SLC24A3: variants seen among roughly 807,000 people sequenced by gnomAD.
The protein encoded by SLC24A3 is solute carrier family 24 member 3.
Under a neutral mutation model 75.8 loss-of-function variants are expected in SLC24A3, and 28 were observed. The ratio of observed to expected loss-of-function variants is 0.37; its 90% confidence interval spans 0.27 to 0.51. The LOEUF is 0.51. Among genes scored for constraint, SLC24A3 ranks in the 20% least tolerant of loss-of-function variants. SLC24A3 has a pLI of 0.94. For missense variants in SLC24A3, 663 were observed against 847.8 expected (o/e 0.78, Z 2.71); for synonymous variants, 372 against 334.1 (o/e 1.11, Z -1.24).
At chr20:19,451,029 G>T in intron 2 of SLC24A3, among the ~76,000 whole-genome samples, 1 of 152,110 alleles carries the variant, frequency 6.6e-6, no homozygotes, top group East Asian at 1.9e-4. Context: ...ACATTTTTAA[G>T]ACTACTTCTG....
intron 1 of SLC24A3, among the ~76,000 whole-genome samples, chr20:19,280,105 G>A (rs1056577748): frequency 3.3e-5 from 5 of 152,060 alleles, no homozygotes; most frequent in South Asian, 2.1e-4. Flanking sequence ...CTCCCTTTCC[G>A]TGCTCTGTAG....
intron 2 of SLC24A3, among the ~76,000 whole-genome samples, chr20:19,430,747 T>C (rs1216638282): frequency 6.6e-6 from 1 of 151,950 alleles, no homozygotes; most frequent in Non-Finnish European, 1.5e-5. Flanking sequence ...CAAGCACAGC[T>C]AGGTAGACTC....
At chr20:19,262,924 T>C (rs569361673) in intron 1 of SLC24A3, among the ~76,000 whole-genome samples, 1 of 152,170 alleles carries the variant, frequency 6.6e-6, no homozygotes, top group South Asian at 2.1e-4. Flanking sequence ...CATTTGCCCT[T>C]TCACCACCCA....
intron 4 of SLC24A3, among the ~76,000 whole-genome samples, chr20:19,584,315 C>T (rs2031262904): frequency 6.6e-6 from 1 of 152,098 alleles, no homozygotes; most frequent in Non-Finnish European, 1.5e-5. Context: ...CCGGGGTTTC[C>T]AGAATGCCTC....
intron 6 of SLC24A3, among the ~76,000 whole-genome samples, chr20:19,614,234 A>C (rs2031706918): frequency 6.6e-6 from 1 of 152,252 alleles, no homozygotes; most frequent in Non-Finnish European, 1.5e-5. Flanking sequence ...TCTGTGCCTC[A>C]GTTTCCTCAA....
At chr20:19,554,534 A>G (rs1057505695) in intron 3 of SLC24A3, among the ~76,000 whole-genome samples, 2 of 152,224 alleles carry the variant, frequency 1.3e-5, no homozygotes, top group African/African-American at 2.4e-5. Context: ...ATAATTTCAG[A>G]AAACCTCAGT....
At chr20:19,257,278 G>A (rs543905479) in intron 1 of SLC24A3, among the ~76,000 whole-genome samples, 1 of 152,228 alleles carries the variant, frequency 6.6e-6, no homozygotes, top group South Asian at 2.1e-4. Flanking sequence ...TGTGGATGGG[G>A]CTGTTTCAAA....
At chr20:19,345,733 A>G (rs980291926) in intron 2 of SLC24A3, among the ~76,000 whole-genome samples, 1 of 152,266 alleles carries the variant, frequency 6.6e-6, no homozygotes, top group African/African-American at 2.4e-5. Flanking sequence ...CAAAACCACA[A>G]TGCAATACCA....
chr20:19,257,410 C>G (rs1218856431), intron 1 of SLC24A3, among the ~76,000 whole-genome samples: 1 of 152,224 alleles, frequency 6.6e-6, no homozygotes, highest in Non-Finnish European at 1.5e-5. Context: ...AAATTCCCAG[C>G]TGGCGTCAGC....
intron 2 of SLC24A3, among the ~76,000 whole-genome samples, chr20:19,299,293 T>C (rs145208394): frequency 6.6e-6 from 1 of 152,164 alleles, no homozygotes; most frequent in Non-Finnish European, 1.5e-5. Context: ...CATGTGTTTG[T>C]ACAAGTGCTG....
chr20:19,374,264 T>G (rs1193746312), intron 2 of SLC24A3, among the ~76,000 whole-genome samples: 3 of 152,154 alleles, frequency 2.0e-5, no homozygotes, highest in Non-Finnish European at 2.9e-5. Flanking sequence ...GGGTGGGCCG[T>G]CACTCCTCCA....
At chr20:19,339,827 C>T (rs1985226605) in intron 2 of SLC24A3, among the ~76,000 whole-genome samples, 2 of 152,206 alleles carry the variant, frequency 1.3e-5, no homozygotes, top group South Asian at 4.1e-4. Context: ...ACCAACAGCA[C>T]ATTGGGTAGA....
At chr20:19,497,096 T>TA (rs1478949238) in intron 2 of SLC24A3, among the ~76,000 whole-genome samples, 2 of 152,156 alleles carry the variant, frequency 1.3e-5, no homozygotes, top group African/African-American at 2.4e-5. Context: ...GTGCACATGA[T>TA]AAAAAAGGGC....
At chr20:19,639,820 G>A (rs891342294) in intron 6 of SLC24A3, among the ~76,000 whole-genome samples, 3 of 152,226 alleles carry the variant, frequency 2.0e-5, no homozygotes, top group African/African-American at 4.8e-5. Flanking sequence ...CAGCAGCGCC[G>A]GTGGGCTGGC....
chr20:19,442,819 A>C (rs1197600153), intron 2 of SLC24A3, among the ~76,000 whole-genome samples: 1 of 152,118 alleles, frequency 6.6e-6, no homozygotes, highest in Non-Finnish European at 1.5e-5. Context: ...GAGGTTTTAC[A>C]GTTTTGCATT....
intron 2 of SLC24A3, among the ~76,000 whole-genome samples, chr20:19,318,606 T>C (rs1238069086): frequency 6.6e-6 from 1 of 152,144 alleles, no homozygotes; most frequent in Non-Finnish European, 1.5e-5. Context: ...TGTACTCCTT[T>C]GCCACAAAGA....
At chr20:19,361,241 A>C (rs1341853736) in intron 2 of SLC24A3, among the ~76,000 whole-genome samples, 1 of 152,218 alleles carries the variant, frequency 6.6e-6, no homozygotes, top group African/African-American at 2.4e-5. Flanking sequence ...CACTACATTT[A>C]TATGGAAATG....
chr20:19,575,519 CT>C (rs1361061452), intron 3 of SLC24A3, among the ~76,000 whole-genome samples: 1 of 152,166 alleles, frequency 6.6e-6, no homozygotes, highest in Non-Finnish European at 1.5e-5. Flanking sequence ...TCAGAGGGTT[CT>C]AAAAAGTTCC....
intron 2 of SLC24A3, among the ~76,000 whole-genome samples, chr20:19,431,569 G>A (rs1987103705): frequency 6.6e-6 from 1 of 152,054 alleles, no homozygotes; most frequent in South Asian, 2.1e-4. Flanking sequence ...AGCACCCAGA[G>A]CCTCCCCTCC....
Sources: allele counts gnomAD v4.1 joint callset (sites outside exome capture counted in the v4.1 genomes callset), GRCh38; gene constraint gnomAD v4.1.1; transcripts MANE v1.5; gene names NCBI Gene and HGNC (gene_info 2026-07-23, HGNC 2026-07-21).